The following DQX1 variants were observed in gnomAD, a reference collection of about 807,000 sequenced individuals.
DQX1 encodes the protein ATP-dependent RNA helicase homolog DQX1.
A neutral mutation model predicts 81.3 loss-of-function variants in DQX1; 66 were observed. The observed-to-expected ratio is 0.81, with a 90% confidence interval of 0.67 to 1.00. The LOEUF is 1.00. DQX1 is among the 50% of genes least tolerant of loss of function. The pLI is 0.00. For missense variants in DQX1, 798 were observed against 867.9 expected (o/e 0.92, Z 1.01); for synonymous variants, 290 against 350.0 (o/e 0.83, Z 1.91).
In DQX1 at chr2:74,522,979, C is replaced by A. The variant is rs1675069612; in HGVS notation, c.1180G>T (p.Glu394Ter). 1 of 1,614,148 alleles carries A rather than the reference C, an allele frequency of 6.2e-7. No homozygotes were observed. The highest frequency in any genetic ancestry group is 8.5e-7 in the Non-Finnish European group (1 of 1,180,022). The change falls in exon 7 of 12, where the codon GAA (glutamate) becomes TAA (stop). Residue 394 changes from glutamate to a stop codon, truncating the protein, a stop_gained. Transcript: ENST00000404568. LOFTEE classifies it high-confidence loss of function. ...TGTGGCAATGGTGGAGCTTCTAGTT[C>A]TAAGAAGGACTTAGGATACAGGCAG... is the stretch of plus-strand genomic sequence containing the variant. ...CLCLYPKSFL[E>*]LEAPPLPQPR... is the part of the protein sequence containing the mutation.
chr2:74,518,962 G>T, intron 11 of DQX1, 78 bp downstream of exon 11: 1 of 1,364,028 alleles, frequency 7.3e-7, no homozygotes, highest in Non-Finnish European at 9.9e-7. Context: ...CCCTTCCTCT[G>T]TCTCTCTAAC....
Position 74,523,341 on chromosome 2 carries a change from T to C in DQX1, c.1013A>G (p.His338Arg). The C allele has an allele frequency of 4.3e-6, 7 of 1,614,094 alleles. No individual in the cohort carries two copies. The highest frequency in any genetic ancestry group is 5.9e-6 in the Non-Finnish European group (7 of 1,180,012). ...GAGCTCCAGTCCTGAGTCGATGACA[T>C]GTTGGATGGAAGGGAGGGAGAAGGA... ...DFSFSLPSIQ[H>R]VIDSGLELRS... is the part of the protein sequence containing the mutation. Residue 338 changes from histidine (H) to arginine (R), a missense_variant, in exon 5 of 12, where the codon CAT becomes CGT. Physicochemically the swap from His to Arg is conservative, Grantham distance 29. Transcript: ENST00000404568.
In DQX1 at chr2:74,525,337, A is replaced by G. The variant is rs1001978985; in HGVS notation, c.238-135T>C. ...GGTCTTTCACCAGCCTCCAGGGCCA[A>G]CCTAACCCATCCCATCTCTCTTCGT... On this transcript the variant is annotated intron_variant, in intron 2 of 11. Transcript: ENST00000404568. The surrounding 1 kb of genome is among the most constrained non-coding windows in gnomAD (Gnocchi z 4.1). The G allele has an allele frequency of 4.0e-6, 5 of 1,251,418 alleles. No individual in the cohort carries two copies. The African/African-American group carries it at 4.5e-5, about 11-fold the overall frequency. 77.5% of individuals were successfully genotyped at this position (1,251,418 alleles called of 1,614,324 possible).
At position 74,525,076 on chromosome 2, in the gene DQX1, T is replaced by C; in HGVS notation, c.364A>G (p.Thr122Ala). Residue 122 changes from threonine (T) to alanine (A), a missense_variant, in exon 3 of 12, where the codon ACC (threonine) becomes GCC (alanine). Coordinates refer to ENST00000404568, the MANE Select transcript of DQX1 (RefSeq NM_133637.3). This position sits in a 1 kb window ranked among gnomAD's most constrained non-coding sequence, Gnocchi z 4.1. The stretch of plus-strand genomic sequence containing the variant: ...CTGTATCCAACCTCATGACCCAGGG[T>C]CAGGTCCATCTCATCAGCAACCCGC... ...ALRVADEMDL[T>A]LGHEVGYSIP... The C allele has an allele frequency of 6.2e-7, 1 of 1,613,964 alleles. No individual in the cohort carries two copies. The highest frequency in any genetic ancestry group is 8.5e-7 in the Non-Finnish European group (1 of 1,179,962).
Position 74,525,259 on chromosome 2 carries a change from A to G in DQX1, c.238-57T>C, listed in dbSNP as rs1343218972. On this transcript the variant is annotated intron_variant, in intron 2 of 11. Coordinates refer to ENST00000404568, the MANE Select transcript of DQX1 (RefSeq NM_133637.3). The surrounding 1 kb of genome is among the most constrained non-coding windows in gnomAD (Gnocchi z 4.1). ...AGGAAGATGTAGGACTTCAGTCAGA[A>G]GTGCTCAGGGAACTATGGCCACTTT... is the stretch of plus-strand genomic sequence containing the variant. The G allele has an allele frequency of 2.1e-6, 3 of 1,461,782 alleles. No individual in the cohort carries two copies. Among genetic ancestry groups the G allele is most frequent in the Admixed American group, 2.5e-5 (1 of 39,722 alleles). The allele number at this position is 1,461,782 out of a possible 1,614,324, so 90.6% of individuals were successfully genotyped here.
chr2:74,519,477 T>A, intron 10 of DQX1, 79 bp downstream of exon 10: 1 of 1,541,526 alleles, frequency 6.5e-7, no homozygotes. Flanking sequence ...TGGACCCTGA[T>A]TTCAAAGTGG....
rs1480840318 is a variant in DQX1, at chr2:74,523,442, A to G, written c.912T>C (p.Cys304=). The part of the protein sequence containing the change: ...PPRVLPLHPD[C]GRAVQAVYED... ...CATACACAGCCTGAACGGCTCGTCC[A>G]CAGTCTGGGTGAAGGGGCAGTACTC... Residue 304 remains cysteine (C), a synonymous_variant, in exon 5 of 12, where the codon TGT becomes TGC. Transcript: ENST00000404568. The G allele has an allele frequency of 5.6e-6, 9 of 1,613,990 alleles. No homozygotes were observed. Among genetic ancestry groups the G allele is most frequent in the Non-Finnish European group, 7.6e-6 (9 of 1,179,994 alleles).
Position 74,523,213 on chromosome 2 carries a change from G to C in DQX1, c.1050C>G (p.Tyr350Ter). 6.2e-7 allele frequency: 1 copy of C among 1,614,170 alleles called. No individual in the cohort carries two copies. Among genetic ancestry groups the C allele is most frequent in the East Asian group, 2.2e-5 (1 of 44,892 alleles). Residue 350 changes from tyrosine (Y) to a stop codon, truncating the protein, a stop_gained, in exon 6 of 12, where the codon TAC (tyrosine) becomes TAG (stop). Transcript: ENST00000404568. LOFTEE classifies it high-confidence loss of function. Reference protein sequence around the residue: ...IDSGLELRSVYNPRIRAEFQV... With the variant: ...IDSGLELRSV ...GGAATTCTGCTCGGATCCTAGGATTGTAAACCTGTTGCCCGTCCCCCAACC... is the reference window on the plus strand; with the variant it reads ...GGAATTCTGCTCGGATCCTAGGATTCTAAACCTGTTGCCCGTCCCCCAACC...
At chr2:74,526,006 AG>A (rs1162141973) in intron 1 of DQX1, 129 bp downstream of exon 1, 2 of 421,530 alleles carry the variant, frequency 4.7e-6, no homozygotes, top group East Asian at 9.0e-5. Flanking sequence ...TTACTTAGGC[AG>A]GGGTCCTCAA....
At chr2:74,523,614 G>T in intron 4 of DQX1, 77 bp from the exon 5 acceptor site, 1 of 1,363,044 alleles carries the variant, frequency 7.3e-7, no homozygotes. Flanking sequence ...AAAGACTGTT[G>T]AAAGTTATGG....
Position 74,525,001 on chromosome 2 carries a change from GC to G in DQX1, c.431+7del, listed in dbSNP as rs755915890. The G allele has an allele frequency of 1.2e-4, 196 of 1,610,714 alleles. No homozygotes were observed. Among genetic ancestry groups the G allele is most frequent in the African/African-American group, 2.7e-5 (2 of 74,810 alleles). ...TTATATTCGGGTAAGGCCTGCAGAG[GC>G]CCCCACCTGAGCAGGGTGTTGGGCC... On this transcript the variant is annotated splice_region_variant and intron_variant, in intron 3 of 11. Transcript: ENST00000404568. The surrounding 1 kb of genome is among the most constrained non-coding windows in gnomAD (Gnocchi z 4.1).
Position 74,525,364 on chromosome 2 carries a change from C to A in DQX1, c.237+129G>T. On this transcript the variant is annotated intron_variant, in intron 2 of 11. Coordinates refer to ENST00000404568, the MANE Select transcript of DQX1 (RefSeq NM_133637.3). This position sits in a 1 kb window ranked among gnomAD's most constrained non-coding sequence, Gnocchi z 4.1. Reference sequence around the variant, plus strand: ...CTAACCCATCCCATCTCTCTTCGTTCACCTTCCTCATGACCCCACGCAGCC... The same window carrying A: ...CTAACCCATCCCATCTCTCTTCGTTAACCTTCCTCATGACCCCACGCAGCC... 8.0e-7 allele frequency: 1 copy of A among 1,255,068 alleles called. No individual in the cohort carries two copies. Among genetic ancestry groups the A allele is most frequent in the South Asian group, 1.5e-5 (1 of 66,114 alleles). 77.7% of individuals were successfully genotyped at this position (1,255,068 alleles called of 1,614,324 possible).
At position 74,519,176 on chromosome 2, in the gene DQX1, C is replaced by A; in HGVS notation, c.1861G>T (p.Val621Leu). Residue 621 changes from valine to leucine, a missense_variant, in exon 11 of 12, where the codon GTG (valine) becomes TTG (leucine). Val to Leu is a conservative substitution (Grantham distance 32). Transcript: ENST00000404568. ...CAGCAGTATGAGGAGAGCTGGGCCA[C>A]ATGCTTATGGGTTAGGAGAAGGTAA... is the stretch of plus-strand genomic sequence containing the variant. ...GNYLLLTHKHVAQLSSYCCYR... is the reference protein window; with the variant it reads ...GNYLLLTHKHLAQLSSYCCYR... 1 of 1,611,406 alleles carries A rather than the reference C, an allele frequency of 6.2e-7. No individual in the cohort carries two copies. The highest frequency in any genetic ancestry group is 8.5e-7 in the Non-Finnish European group (1 of 1,178,694).
chr2:74,523,039 G>A, intron 6 of DQX1, 25 bp from the exon 7 acceptor site: 1 of 1,613,946 alleles, frequency 6.2e-7, no homozygotes. Flanking sequence ...ACCTGGGAAA[G>A]AAGACCACTG....
intron 3 of DQX1, 117 bp from the exon 4 acceptor site, chr2:74,524,424 C>T: frequency 7.3e-7 from 1 of 1,376,114 alleles, no homozygotes; most frequent in Non-Finnish European, 9.7e-7. Context: ...GAAAAATATG[C>T]TGTGACTTCC....
chr2:74,526,099 G>A (rs992708548), intron 1 of DQX1, 37 bp downstream of exon 1: 19 of 228,816 alleles, frequency 8.3e-5, no homozygotes, highest in African/African-American at 4.4e-4. Flanking sequence ...GGGGTGGGGA[G>A]AGGAACAGCA....
In DQX1 at chr2:74,518,262, A is replaced by AT. The variant is rs140478168; in HGVS notation, c.*183dup. On this transcript the variant is annotated 3_prime_UTR_variant, in exon 12 of 12. Transcript: ENST00000404568. ...AAGGCTAAGGAAAGAGTCCTTCCCTATGTAGACTGTGGTTTACCCCATTCT... is the reference window on the plus strand; with the variant it reads ...AAGGCTAAGGAAAGAGTCCTTCCCTATTGTAGACTGTGGTTTACCCCATTCT... 4.5e-3 allele frequency: 2,827 copies of AT among 623,888 alleles called. 68 individuals are homozygous for AT. In the African/African-American group the frequency reaches 0.047, roughly 10 times the overall value. The allele number at this position is 623,888 out of a possible 1,614,324, so 38.6% of individuals were successfully genotyped here.
chr2:74,524,345 A>G (rs776645553), intron 3 of DQX1, 38 bp from the exon 4 acceptor site: 10 of 1,574,954 alleles, frequency 6.3e-6, no homozygotes, highest in Non-Finnish European at 8.6e-6. Context: ...ATCAGTGTGG[A>G]CACTGACCAG....
intron 11 of DQX1, 61 bp from the exon 12 acceptor site, chr2:74,518,663 T>G (rs113443550): frequency 0.029 from 44,834 of 1,532,366 alleles, 731 homozygotes; most frequent in Middle Eastern, 0.041. Context: ...TCTCTCTTTT[T>G]AGAGACAGGG....
Sources: allele counts gnomAD v4.1 joint callset, GRCh38; gene constraint gnomAD v4.1.1; non-coding constraint Gnocchi (gnomAD v3.1); transcripts MANE v1.5; gene names NCBI Gene and HGNC (gene_info 2026-07-23, HGNC 2026-07-21).